Variants in CGRRF1 observed in about 807,000 individuals in gnomAD.
CGRRF1 encodes the protein cell growth regulator with ring finger domain 1.
Under a neutral mutation model 37.2 loss-of-function variants are expected in CGRRF1, and 32 were observed. The observed-to-expected ratio is 0.86, with a 90% CI of 0.65 to 1.16. The LOEUF (loss-of-function observed/expected upper bound fraction) is 1.16, where lower values mean the gene tolerates loss of function less well. Among genes scored for constraint, CGRRF1 ranks in the 50% most tolerant of loss-of-function variants. The pLI is 0.00. For missense variants in CGRRF1, 391 were observed against 382.6 expected (o/e 1.02, Z -0.18); for synonymous variants, 141 against 140.3 (o/e 1.00, Z -0.04).
chr14:54,515,124 C>G (rs1428394962), intron 1 of CGRRF1, among the ~76,000 whole-genome samples: 4 of 142,604 alleles, frequency 2.8e-5, no homozygotes, highest in African/African-American at 1.1e-4. Flanking sequence ...GAGTCTCGCT[C>G]TGTCACCAGG....
At chr14:54,515,505 G>A (rs1319781920) in intron 1 of CGRRF1, among the ~76,000 whole-genome samples, 3 of 152,034 alleles carry the variant, frequency 2.0e-5, no homozygotes, top group Non-Finnish European at 4.4e-5. Context: ...TTGAAGTTGT[G>A]GGGAGTATTA....
chr14:54,521,038 G>T (rs2032307936), intron 1 of CGRRF1, among the ~76,000 whole-genome samples: 1 of 152,076 alleles, frequency 6.6e-6, no homozygotes. Context: ...ATTTTATTGG[G>T]AATTGAATTT....
At chr14:54,516,719 A>T (rs1594647336) in intron 1 of CGRRF1, among the ~76,000 whole-genome samples, 2 of 152,118 alleles carry the variant, frequency 1.3e-5, no homozygotes, top group Middle Eastern at 6.8e-3. Flanking sequence ...CATGTTGGGG[A>T]AGGTTTTCGC....
chr14:54,520,547 C>T (rs1244916577), intron 1 of CGRRF1, among the ~76,000 whole-genome samples: 3 of 152,232 alleles, frequency 2.0e-5, no homozygotes, highest in African/African-American at 7.2e-5. Context: ...TATGCTCTTT[C>T]CCAGTCAGTC....
chr14:54,518,563 G>T (rs200122956), intron 1 of CGRRF1, among the ~76,000 whole-genome samples: 22 of 144,182 alleles, frequency 1.5e-4, no homozygotes, highest in Admixed American at 4.1e-4. Context: ...AAAAAAAAAA[G>T]AAAAAAAAAA....
intron 1 of CGRRF1, among the ~76,000 whole-genome samples, chr14:54,515,595 TTAA>T (rs2032202300): frequency 6.6e-6 from 1 of 152,304 alleles, no homozygotes; most frequent in East Asian, 1.9e-4. Flanking sequence ...TGAAGTTCTA[TTAA>T]TAGGTACATA....
At chr14:54,517,233 G>A (rs1832956994) in intron 1 of CGRRF1, among the ~76,000 whole-genome samples, 1 of 152,094 alleles carries the variant, frequency 6.6e-6, no homozygotes, top group East Asian at 1.9e-4. Context: ...TATACTTTGT[G>A]AATTTTACCT....
intron 1 of CGRRF1, among the ~76,000 whole-genome samples, chr14:54,522,181 T>C (rs2032327847): frequency 6.6e-6 from 1 of 152,246 alleles, no homozygotes; most frequent in Admixed American, 6.5e-5. Flanking sequence ...ACAGTTGTTA[T>C]ACTGTATTGG....
chr14:54,514,487 T>A (rs573031290), intron 1 of CGRRF1, among the ~76,000 whole-genome samples: 109 of 152,360 alleles, frequency 7.2e-4, no homozygotes, highest in Non-Finnish European at 1.4e-3. Context: ...ATGTGAAGGT[T>A]TGTTACATAG....
chr14:54,518,248 A>G (rs951808316), intron 1 of CGRRF1, among the ~76,000 whole-genome samples: 2 of 152,130 alleles, frequency 1.3e-5, no homozygotes, highest in East Asian at 1.9e-4. Context: ...CCAACAGTGC[A>G]AAAGTGTTTC....
rs192559091 is a variant in CGRRF1 at position 54,515,494 on chromosome 14, A to C, written c.104+5431A>C. On this transcript the variant is annotated intron_variant, in intron 1 of 5. Transcript: ENST00000216420. ...TTTCTATATATTGGAGCTATCAGTT[A>C]TTGAAGTTGTGGGGAGTATTAGAAT... is the stretch of plus-strand genomic sequence containing the variant. Among the ~76,000 whole-genome samples the C allele has an allele frequency of 1.3e-3, 191 of 152,284 alleles. 1 individual carries two copies. Among genetic ancestry groups the C allele is most frequent in the African/African-American group, 4.4e-3 (181 of 41,546 alleles).
intron 2 of CGRRF1, among the ~76,000 whole-genome samples, chr14:54,523,591 A>T (rs1471914495): frequency 6.9e-5 from 10 of 145,774 alleles, no homozygotes; most frequent in Admixed American, 4.2e-4. Context: ...TACTTCGTGG[A>T]TGAGAAATGG....
intron 1 of CGRRF1, among the ~76,000 whole-genome samples, chr14:54,518,238 C>T (rs2032249326): frequency 6.6e-6 from 1 of 152,124 alleles, no homozygotes; most frequent in South Asian, 2.1e-4. Context: ...TATATTCCCA[C>T]CAACAGTGCA....
intron 4 of CGRRF1, among the ~76,000 whole-genome samples, chr14:54,533,599 A>G (rs1335315609): frequency 6.6e-6 from 1 of 151,990 alleles, no homozygotes; most frequent in Non-Finnish European, 1.5e-5. Context: ...TTTTTTCAGT[A>G]TTGTATGTGC....
intron 3 of CGRRF1, 145 bp from the exon 4 acceptor site, chr14:54,530,758 G>A: frequency 1.1e-6 from 1 of 892,024 alleles, no homozygotes; most frequent in Non-Finnish European, 1.8e-6. Flanking sequence ...ATCAGGAACA[G>A]TATTTGTATC....
intron 4 of CGRRF1, among the ~76,000 whole-genome samples, chr14:54,534,818 G>A (rs138297198): frequency 3.2e-4 from 49 of 152,118 alleles, no homozygotes; most frequent in African/African-American, 1.2e-3. Context: ...GAGCTCAAGT[G>A]ATCCTTCTGC....
chr14:54,533,493 G>A (rs959694879), intron 4 of CGRRF1, among the ~76,000 whole-genome samples: 1 of 151,906 alleles, frequency 6.6e-6, no homozygotes, highest in Admixed American at 6.6e-5. Flanking sequence ...GGTAATATTG[G>A]CACTCAAATA....
chr14:54,510,731 C>T (rs1232532518), intron 1 of CGRRF1, among the ~76,000 whole-genome samples: 1 of 152,150 alleles, frequency 6.6e-6, no homozygotes, highest in Admixed American at 6.5e-5. Flanking sequence ...TGTTAGATAA[C>T]CGCTGAGCAA....
At chr14:54,512,845 A>G (rs563280939) in intron 1 of CGRRF1, among the ~76,000 whole-genome samples, 5 of 152,094 alleles carry the variant, frequency 3.3e-5, no homozygotes, top group Non-Finnish European at 7.4e-5. Context: ...AGCTCCATAG[A>G]GTCTCTCCTC....
Sources: allele counts gnomAD v4.1 joint callset (sites outside exome capture counted in the v4.1 genomes callset), GRCh38; gene constraint gnomAD v4.1.1; transcripts MANE v1.5; gene names NCBI Gene and HGNC (gene_info 2026-07-23, HGNC 2026-07-21).